VWC2: variants seen among roughly 807,000 people sequenced by gnomAD.
The protein encoded by VWC2 is brorin.
In VWC2, 14 loss-of-function variants were observed where a neutral mutation model predicts 29.8. That is an observed-to-expected ratio of 0.47 (90% CI 0.31 to 0.74). The LOEUF (loss-of-function observed/expected upper bound fraction) is 0.74. Ranked by LOEUF, VWC2 falls within the 30% of genes least tolerant of loss-of-function variation. The pLI, the probability that VWC2 is intolerant of heterozygous loss-of-function variation, is 0.05. For missense variants in VWC2, 457 were observed against 459.8 expected (o/e 0.99, Z 0.05); for synonymous variants, 213 against 199.0 (o/e 1.07, Z -0.59).
chr7:49,849,460 G>T (rs777712765), intron 3 of VWC2, among the ~76,000 whole-genome samples: 1 of 152,168 alleles, frequency 6.6e-6, no homozygotes, highest in Non-Finnish European at 1.5e-5. Context: ...AAGGGTCCTC[G>T]CGGGTCTCTG....
chr7:49,854,416 G>T (rs563057961), intron 3 of VWC2, among the ~76,000 whole-genome samples: 2 of 152,222 alleles, frequency 1.3e-5, no homozygotes, highest in African/African-American at 4.8e-5. Flanking sequence ...TAACTGGTGT[G>T]AGATGGTATC....
chr7:49,775,843 G>T lies in VWC2; in HGVS notation c.408G>T (p.Ala136=), dbSNP rs1195986346. ...AAQDAIGPEL[A]PTPEPPEEYV... is the part of the protein sequence containing the mutation. ...AGGACGCGATTGGCCCGGAACTCGCGCCCACGCCCGAGCCACCCGAGGAGT... is the reference window on the plus strand; with the variant it reads ...AGGACGCGATTGGCCCGGAACTCGCTCCCACGCCCGAGCCACCCGAGGAGT... Residue 136 remains alanine (A), a synonymous_variant, in exon 2 of 4, where the codon GCG becomes GCT. Transcript: ENST00000340652. The T allele has an allele frequency of 3.9e-6, 6 of 1,550,224 alleles. No individual in the cohort carries two copies. In the African/African-American group the frequency reaches 8.2e-5, roughly 21 times the overall value.
intron 3 of VWC2, among the ~76,000 whole-genome samples, chr7:49,904,494 T>C (rs1209493499): frequency 5.9e-5 from 9 of 152,230 alleles, no homozygotes; most frequent in Admixed American, 5.2e-4. Flanking sequence ...AGGGACTTGG[T>C]TGAAACAATC....
chr7:49,828,141 C>T (rs897879288), intron 3 of VWC2, among the ~76,000 whole-genome samples: 2 of 152,128 alleles, frequency 1.3e-5, no homozygotes, highest in Non-Finnish European at 2.9e-5. Context: ...TTATATCTGG[C>T]TTTTTTCACT....
chr7:49,892,786 C>G (rs893506578), intron 3 of VWC2, among the ~76,000 whole-genome samples: 3 of 152,230 alleles, frequency 2.0e-5, no homozygotes, highest in Admixed American at 1.3e-4. Context: ...TTTTCAAACA[C>G]TGCTCCGTGG....
intron 3 of VWC2, among the ~76,000 whole-genome samples, chr7:49,893,366 T>C (rs1342178027): frequency 6.6e-6 from 1 of 152,164 alleles, no homozygotes; most frequent in Admixed American, 6.5e-5. Flanking sequence ...AGACAGGATA[T>C]TAATTTGGCA....
chr7:49,775,518 G>C lies in VWC2; in HGVS notation c.83G>C (p.Ser28Thr). ...TGCTGCCTGATGGTGGCTCTGTGCA[G>C]TCCGAGCATCCCGCTGGAGAAGCTG... Reference protein sequence around the residue: ...VTCCLMVALCSPSIPLEKLAQ... With the variant: ...VTCCLMVALCTPSIPLEKLAQ... The change falls in exon 2 of 4, where the codon AGT (serine) becomes ACT (threonine). Residue 28 changes from serine (S) to threonine (T), a missense_variant. Physicochemically the swap from Ser to Thr is moderately conservative, Grantham distance 58. Transcript: ENST00000340652. 2.5e-6 allele frequency: 4 copies of C among 1,577,978 alleles called. No homozygotes were observed. The highest frequency in any genetic ancestry group is 2.6e-6 in the Non-Finnish European group (3 of 1,166,348).
At chr7:49,879,075 T>G (rs1203792602) in intron 3 of VWC2, among the ~76,000 whole-genome samples, 1 of 152,210 alleles carries the variant, frequency 6.6e-6, no homozygotes, top group Non-Finnish European at 1.5e-5. Context: ...TATCCGGCAG[T>G]TCATTCCCTC....
At position 49,828,618 on chromosome 7, in the gene VWC2, C is replaced by T. The variant is rs772680835; in HGVS notation, c.826+25778C>T. 9.9e-5 allele frequency among the ~76,000 whole-genome samples: 15 copies of T among 152,058 alleles called. No individual in the cohort carries two copies. In the South Asian group the frequency reaches 1.0e-3, roughly 11 times the overall value. On this transcript the variant is annotated intron_variant, in intron 3 of 3. Coordinates refer to ENST00000340652, the MANE Select transcript of VWC2 (RefSeq NM_198570.5). ...GAGCTGGGTCTGGGCTGTGCTACTG[C>T]GTAGTTAGACTTAGTTCTGTATTTA...
chr7:49,842,464 T>C (rs1250935150), intron 3 of VWC2, among the ~76,000 whole-genome samples: 2 of 152,190 alleles, frequency 1.3e-5, no homozygotes, highest in African/African-American at 2.4e-5. Flanking sequence ...ACCTTAGAGA[T>C]AATACAGGAG....
intron 3 of VWC2, among the ~76,000 whole-genome samples, chr7:49,822,307 G>T (rs1789280552): frequency 6.6e-6 from 1 of 152,100 alleles, no homozygotes; most frequent in Admixed American, 6.6e-5. Context: ...TATAAATCAT[G>T]CTTACTGAGG....
intron 2 of VWC2, among the ~76,000 whole-genome samples, chr7:49,790,682 G>C (rs980808656): frequency 1.3e-5 from 2 of 151,868 alleles, no homozygotes; most frequent in African/African-American, 4.8e-5. Flanking sequence ...TCACATGGCA[G>C]GGCACCTCCC....
At chr7:49,884,110 G>C (rs1348649647) in intron 3 of VWC2, among the ~76,000 whole-genome samples, 3 of 152,216 alleles carry the variant, frequency 2.0e-5, no homozygotes, top group Non-Finnish European at 2.9e-5. Flanking sequence ...TGTCAGGCTG[G>C]TAGAGGAAGG....
chr7:49,848,861 T>A (rs1455391852), intron 3 of VWC2, among the ~76,000 whole-genome samples: 1 of 152,236 alleles, frequency 6.6e-6, no homozygotes, highest in East Asian at 1.9e-4. Context: ...TTGTGTCTAA[T>A]TCAGTAGACC....
chr7:49,847,490 G>A (rs528265973), intron 3 of VWC2, among the ~76,000 whole-genome samples: 20 of 152,226 alleles, frequency 1.3e-4, no homozygotes, highest in African/African-American at 4.3e-4. Context: ...CCAAGGGCAA[G>A]GGTTTGAAAA....
At chr7:49,889,572 G>A (rs1440780545) in intron 3 of VWC2, among the ~76,000 whole-genome samples, 3 of 152,166 alleles carry the variant, frequency 2.0e-5, no homozygotes, top group African/African-American at 7.2e-5. Flanking sequence ...AGGATGAAAA[G>A]AGGAGCGGCT....
At chr7:49,850,876 C>T (rs1248045774) in intron 3 of VWC2, among the ~76,000 whole-genome samples, 1 of 152,214 alleles carries the variant, frequency 6.6e-6, no homozygotes, top group Non-Finnish European at 1.5e-5. Context: ...CACCGCACCT[C>T]AGGATGACTC....
chr7:49,800,274 G>A (rs900944898), intron 2 of VWC2, among the ~76,000 whole-genome samples: 1 of 152,142 alleles, frequency 6.6e-6, no homozygotes, highest in Non-Finnish European at 1.5e-5. Flanking sequence ...CTGATTCAGC[G>A]CCTGCTGCCT....
At chr7:49,792,057 A>C (rs1583630065) in intron 2 of VWC2, among the ~76,000 whole-genome samples, 1 of 152,330 alleles carries the variant, frequency 6.6e-6, no homozygotes, top group Non-Finnish European at 1.5e-5. Context: ...TTACTTCAAA[A>C]TACTGTCCTT....
Sources: gnomAD v4.1 joint callset for allele counts (sites outside exome capture counted in the v4.1 genomes callset) on GRCh38, gnomAD v4.1.1 for gene constraint, MANE v1.5 for transcripts, NCBI Gene and HGNC (gene_info 2026-07-23, HGNC 2026-07-21) for gene names.